The following PTPRN2 variants were observed in gnomAD, a reference collection of about 807,000 sequenced individuals.
PTPRN2 encodes receptor-type tyrosine-protein phosphatase N2.
PTPRN2 carries 74 observed loss-of-function variants against 118.8 expected under a neutral mutation model. That is an observed-to-expected ratio of 0.62 (90% CI 0.52 to 0.76). PTPRN2 has a LOEUF of 0.76. Ranked by LOEUF, PTPRN2 falls within the 30% of genes least tolerant of loss-of-function variation. PTPRN2 has a pLI of 0.00. For missense variants in PTPRN2, 1,481 were observed against 1,394.4 expected (o/e 1.06, Z -0.99); for synonymous variants, 641 against 608.0 (o/e 1.05, Z -0.80).
intron 11 of PTPRN2, among the ~76,000 whole-genome samples, chr7:158,007,021 G>A (rs1273834968): frequency 1.3e-5 from 2 of 152,152 alleles, no homozygotes; most frequent in African/African-American, 2.4e-5. Context: ...TCTGAGGTCC[G>A]GGCTTCGGTT....
At chr7:158,375,960 T>G (rs568823263) in intron 2 of PTPRN2, among the ~76,000 whole-genome samples, 1 of 152,286 alleles carries the variant, frequency 6.6e-6, no homozygotes, top group South Asian at 2.1e-4. Flanking sequence ...AATTTGTCCC[T>G]GTGACCTGAT....
intron 11 of PTPRN2, among the ~76,000 whole-genome samples, chr7:158,011,541 G>A (rs928133184): frequency 2.0e-5 from 3 of 152,174 alleles, no homozygotes; most frequent in Admixed American, 1.3e-4. Context: ...GTAGAAAATG[G>A]TACAAATTAA....
intron 13 of PTPRN2, among the ~76,000 whole-genome samples, chr7:157,664,482 G>T (rs10244667): frequency 0.38 from 58,436 of 152,130 alleles, 12,283 homozygotes; most frequent in Non-Finnish European, 0.49. Flanking sequence ...AATACAGAAC[G>T]GTAGTCGGGC....
chr7:158,569,515 GGCTCTCAGGGTCCT>G (rs759022796), intron 1 of PTPRN2, among the ~76,000 whole-genome samples: 25 of 152,278 alleles, frequency 1.6e-4, no homozygotes, highest in Non-Finnish European at 2.5e-4. Context: ...CGAGGGGTCC[GGCTCTCAGGGTCCT>G]GCTCTCAGGG....
intron 12 of PTPRN2, among the ~76,000 whole-genome samples, chr7:157,747,803 G>C (rs1352859969): frequency 1.6e-4 from 15 of 95,312 alleles, no homozygotes; most frequent in African/African-American, 3.1e-4. Context: ...GTGGGCTGTT[G>C]AGGTGATTCT....
intron 15 of PTPRN2, among the ~76,000 whole-genome samples, chr7:157,613,811 G>C (rs928404084): frequency 1.4e-4 from 21 of 152,164 alleles, no homozygotes; most frequent in African/African-American, 4.3e-4. Context: ...GAGCGCAGGG[G>C]TCCCGAGGGC....
intron 3 of PTPRN2, among the ~76,000 whole-genome samples, chr7:158,283,535 T>C (rs1490920166): frequency 6.9e-6 from 1 of 144,966 alleles, no homozygotes; most frequent in Non-Finnish European, 1.5e-5. Context: ...CTGCCCATGG[T>C]GGAGGGAATG....
At chr7:158,363,737 G>C (rs935035812) in intron 2 of PTPRN2, among the ~76,000 whole-genome samples, 1 of 152,188 alleles carries the variant, frequency 6.6e-6, no homozygotes, top group Non-Finnish European at 1.5e-5. Context: ...GAGGTCGGGA[G>C]GGGGCGGGGC....
At chr7:157,947,206 C>T (rs1037274775) in intron 11 of PTPRN2, among the ~76,000 whole-genome samples, 4 of 107,584 alleles carry the variant, frequency 3.7e-5, no homozygotes, top group African/African-American at 1.7e-4. Flanking sequence ...TCCATCAGGT[C>T]GAGTAGTGAC....
chr7:157,625,329 C>A (rs554868406), intron 14 of PTPRN2, among the ~76,000 whole-genome samples: 15 of 152,082 alleles, frequency 9.9e-5, no homozygotes, highest in Non-Finnish European at 1.8e-4. Flanking sequence ...TGGAACAAAC[C>A]CAAATGCTTA....
chr7:157,769,234 G>A (rs538582740), intron 12 of PTPRN2, among the ~76,000 whole-genome samples: 6 of 152,058 alleles, frequency 3.9e-5, no homozygotes, highest in African/African-American at 9.7e-5. Context: ...AACACATGCC[G>A]GTGATTTATC....
intron 12 of PTPRN2, among the ~76,000 whole-genome samples, chr7:157,750,962 C>T (rs928824092): frequency 3.9e-5 from 6 of 152,234 alleles, no homozygotes; most frequent in African/African-American, 1.4e-4. Flanking sequence ...GCCGTGGAAC[C>T]TTCTGGCCGC....
At chr7:157,880,930 G>A (rs1389114817) in intron 12 of PTPRN2, among the ~76,000 whole-genome samples, 2 of 152,212 alleles carry the variant, frequency 1.3e-5, no homozygotes, top group Non-Finnish European at 2.9e-5. Flanking sequence ...GGCACTCTGA[G>A]TTAAATGAGA....
intron 1 of PTPRN2, among the ~76,000 whole-genome samples, chr7:158,558,622 G>T (rs73730439): frequency 0.026 from 3,938 of 152,118 alleles, 153 homozygotes; most frequent in African/African-American, 0.089. Context: ...GAAAAAACAG[G>T]TGCAGCAATG....
Position 157,760,643 on chromosome 7 carries a change from T to C in PTPRN2, c.1789-77706A>G, listed in dbSNP as rs974978045. ...CAGATCCAGCCTCACCCCATCACCATTGCTATTCAGCGGTCACAGTCTCCA... is the reference window on the plus strand; with the variant it reads ...CAGATCCAGCCTCACCCCATCACCACTGCTATTCAGCGGTCACAGTCTCCA... On this transcript the variant is annotated intron_variant, in intron 12 of 22. Coordinates refer to ENST00000389418, the MANE Select transcript of PTPRN2 (RefSeq NM_002847.5). Among the ~76,000 whole-genome samples, 12 of 152,028 alleles carry C rather than the reference T, an allele frequency of 7.9e-5. No homozygotes were observed. The East Asian group carries it at 1.7e-3, about 22-fold the overall frequency.
chr7:158,186,470 G>A (rs940423399), intron 5 of PTPRN2, among the ~76,000 whole-genome samples: 5 of 152,174 alleles, frequency 3.3e-5, no homozygotes, highest in Non-Finnish European at 5.9e-5. Flanking sequence ...TCTCCTGGTC[G>A]TCCCCCAAGG....
rs775683625 is a variant in PTPRN2 at position 157,635,608 on chromosome 7, T to A, written c.2197-14099A>T. 2.0e-5 allele frequency among the ~76,000 whole-genome samples: 3 copies of A among 152,278 alleles called. No individual in the cohort carries two copies. In the East Asian group the frequency reaches 5.8e-4, roughly 29 times the overall value. On this transcript the variant is annotated intron_variant, in intron 14 of 22. Transcript: ENST00000389418. Reference sequence around the variant, plus strand: ...TTCATTTTTCTAGAATTTTCTCCTATATTTTATTGTCTTCGCCTCAGCTCT... The same window carrying A: ...TTCATTTTTCTAGAATTTTCTCCTAAATTTTATTGTCTTCGCCTCAGCTCT...
rs375014562 is a variant in PTPRN2 at position 158,329,413 on chromosome 7, G to A, written c.164-12481C>T. 7.2e-5 allele frequency among the ~76,000 whole-genome samples: 11 copies of A among 152,302 alleles called. 1 individual carries two copies. The South Asian group carries it at 1.5e-3, about 20-fold the overall frequency. ...TCCTCCATGCAACAGGCTGTGTGCC[G>A]AAACCAGCCCCGGGTGCTGCTGTTA... On this transcript the variant is annotated intron_variant, in intron 2 of 22. Transcript: ENST00000389418.
intron 11 of PTPRN2, among the ~76,000 whole-genome samples, chr7:158,076,598 C>T (rs1035574741): frequency 6.6e-6 from 1 of 152,214 alleles, no homozygotes; most frequent in Non-Finnish European, 1.5e-5. Flanking sequence ...CTATGAAGTC[C>T]GATTCTGAAT....
Sources: allele counts gnomAD v4.1 joint callset (sites outside exome capture counted in the v4.1 genomes callset), GRCh38; gene constraint gnomAD v4.1.1; transcripts MANE v1.5; gene names NCBI Gene and HGNC (gene_info 2026-07-23, HGNC 2026-07-21).